The following UCKL1 variants were observed in gnomAD, a reference collection of about 807,000 sequenced individuals.
UCKL1 encodes uridine-cytidine kinase-like 1.
A neutral mutation model predicts 59.2 loss-of-function variants in UCKL1; 65 were observed. The observed-to-expected ratio is 1.10, with a 90% CI of 0.90 to 1.35. UCKL1 has a LOEUF of 1.35. Ranked by LOEUF, UCKL1 falls within the 40% of genes most tolerant of loss-of-function variation. The pLI is 0.00. For synonymous variants in UCKL1, 410 were observed against 323.1 expected (o/e 1.27, Z -2.88); for missense variants, 703 against 784.3 (o/e 0.90, Z 1.24).
intron 5 of UCKL1, 57 bp downstream of exon 5, chr20:63,945,594 G>A: frequency 6.3e-7 from 1 of 1,581,802 alleles, no homozygotes. Flanking sequence ...ACACCTCATG[G>A]ACAGGGCGGC....
chr20:63,945,614 G>T (rs2055961091), intron 5 of UCKL1, 37 bp downstream of exon 5: 1 of 1,608,356 alleles, frequency 6.2e-7, no homozygotes, highest in Non-Finnish European at 8.5e-7. Context: ...CCAGGGCTGA[G>T]ATACCAGCGG....
chr20:63,946,685 A>G lies in UCKL1; in HGVS notation c.114-42T>C, dbSNP rs924983313. 10 of 1,578,382 alleles carry G rather than the reference A, an allele frequency of 6.3e-6. No individual in the cohort carries two copies. In the Middle Eastern group the frequency reaches 5.7e-4, roughly 90 times the overall value. ...ACTCGGATGTGGCCCAGAGCTGCCC[A>G]CCTCCCAGGTACCCGCTGGCATGGC... On this transcript the variant is annotated intron_variant, in intron 1 of 14. Coordinates refer to ENST00000354216, the MANE Select transcript of UCKL1 (RefSeq NM_017859.4).
In UCKL1 at chr20:63,945,693, G is replaced by A. The variant is rs769544019; in HGVS notation, c.612C>T (p.Ile204=). Residue 204 remains isoleucine (I), a synonymous_variant, in exon 5 of 15, where the codon ATC becomes ATT. Coordinates refer to ENST00000354216, the MANE Select transcript of UCKL1 (RefSeq NM_017859.4). The part of the protein sequence containing the change: ...WKTLYGANVI[I]FEGIMAFADK... ...CAGCAAAGGCCATGATGCCCTCAAA[G>A]ATGATGACGTTTGCACCATACAGTG... The A allele has an allele frequency of 1.2e-6, 2 of 1,613,172 alleles. No homozygotes were observed. The highest frequency in any genetic ancestry group is 4.5e-5 in the East Asian group (2 of 44,874).
At chr20:63,943,395 T>G (rs2055208633) in intron 8 of UCKL1, among the ~76,000 whole-genome samples, 1 of 151,674 alleles carries the variant, frequency 6.6e-6, no homozygotes, top group South Asian at 2.1e-4. Flanking sequence ...GACTCAGGAG[T>G]CAGGGGAGCC....
intron 12 of UCKL1, 42 bp downstream of exon 12, chr20:63,940,551 GC>G: frequency 6.2e-7 from 1 of 1,603,872 alleles, no homozygotes; most frequent in Non-Finnish European, 8.5e-7. Flanking sequence ...AGCTCCCTCT[GC>G]CCCCTACCCC....
chr20:63,946,774 G>C, intron 1 of UCKL1, 131 bp from the exon 2 acceptor site: 1 of 929,078 alleles, frequency 1.1e-6, no homozygotes, highest in Non-Finnish European at 1.6e-6. Context: ...GGCTCATTGG[G>C]GGTACATAAG....
intron 1 of UCKL1, chr20:63,950,792 A>C: frequency 6.5e-7 from 1 of 1,540,672 alleles, no homozygotes; most frequent in Non-Finnish European, 8.7e-7. Flanking sequence ...GCACCCTGAG[A>C]TCCTGATGCC....
At position 63,939,952 on chromosome 20, in the gene UCKL1, G is replaced by C. The variant is rs1412679003; in HGVS notation, c.*24C>G. 1 of 1,607,794 alleles carries C rather than the reference G, an allele frequency of 6.2e-7. No homozygotes were observed. Among genetic ancestry groups the C allele is most frequent in the East Asian group, 2.2e-5 (1 of 44,814 alleles). On this transcript the variant is annotated 3_prime_UTR_variant, in exon 15 of 15. Transcript: ENST00000354216. ...GTCAGGAGGCAGGAGGAGGGTGGTG[G>C]GGACGGGATGGCTCACTGGGCAGCT...
chr20:63,956,032 C>T, intron 1 of UCKL1: 1 of 419,302 alleles, frequency 2.4e-6, no homozygotes, highest in South Asian at 3.7e-5. Flanking sequence ...CGCACCCGGA[C>T]TCCTTCCCCG....
In UCKL1 at chr20:63,945,648, T is replaced by A; in HGVS notation, c.654+3A>T. On this transcript the variant is annotated splice_donor_region_variant and intron_variant, in intron 5 of 14. Coordinates refer to ENST00000354216, the MANE Select transcript of UCKL1 (RefSeq NM_017859.4). ...GGGGTGGGTATTCCCGGCGGGTGCT[T>A]ACCTCCAACAGTGTCTTGTCAGCAA... 3 of 1,612,704 alleles carry A rather than the reference T, an allele frequency of 1.9e-6. No homozygotes were observed. The highest frequency in any genetic ancestry group is 2.5e-6 in the Non-Finnish European group (3 of 1,179,710).
At position 63,940,660 on chromosome 20, in the gene UCKL1, A is replaced by G. The variant is rs764345851; in HGVS notation, c.1236T>C (p.Ala412=). ...TGCCGATGCGCACGTCTTTGCACAC[A>G]GCGCGCAGCGCGGGCTCCATGGTTT... The part of the protein sequence containing the change: ...AGETMEPALR[A]VCKDVRIGTI... The change falls in exon 12 of 15, where the codon GCT becomes GCC. Residue 412 remains alanine, a synonymous_variant. Transcript: ENST00000354216. The G allele has an allele frequency of 1.2e-5, 19 of 1,608,874 alleles. No homozygotes were observed. Among genetic ancestry groups the G allele is most frequent in the Non-Finnish European group, 1.6e-5 (19 of 1,178,730 alleles).
chr20:63,950,369 G>A (rs2057390856), intron 1 of UCKL1, among the ~76,000 whole-genome samples: 1 of 152,196 alleles, frequency 6.6e-6, no homozygotes, highest in Non-Finnish European at 1.5e-5. Context: ...GAGGTCAGCA[G>A]TTCGTGACCA....
chr20:63,943,197 T>G (rs2055130168), intron 8 of UCKL1, among the ~76,000 whole-genome samples: 1 of 151,956 alleles, frequency 6.6e-6, no homozygotes, highest in African/African-American at 2.4e-5. Flanking sequence ...AGGACCCGGG[T>G]GGGTGGGAGG....
chr20:63,947,551 C>T (rs1442164940), intron 1 of UCKL1, among the ~76,000 whole-genome samples: 1 of 152,238 alleles, frequency 6.6e-6, no homozygotes, highest in African/African-American at 2.4e-5. Flanking sequence ...GGACCTGATT[C>T]TCCTGCAGTG....
intron 5 of UCKL1, 71 bp from the exon 6 acceptor site, chr20:63,944,805 T>C (rs975824450): frequency 4.5e-6 from 7 of 1,564,020 alleles, no homozygotes; most frequent in East Asian, 4.5e-5. Flanking sequence ...GACCAGCCCC[T>C]GCACTGAGGC....
intron 1 of UCKL1, chr20:63,948,618 GC>G (rs2056968773): frequency 1.5e-5 from 2 of 137,128 alleles, no homozygotes; most frequent in Admixed American, 7.5e-5. Context: ...AGAGGGAGGG[GC>G]GTGTGTGAGA....
intron 1 of UCKL1, among the ~76,000 whole-genome samples, chr20:63,952,824 C>T (rs2057877556): frequency 2.0e-5 from 3 of 152,242 alleles, no homozygotes; most frequent in Non-Finnish European, 4.4e-5. Flanking sequence ...GTCCCCTCCA[C>T]GGAGCCACAG....
chr20:63,942,608 A>C lies in UCKL1; in HGVS notation c.923+1045T>G, dbSNP rs751734907. On this transcript the variant is annotated intron_variant, in intron 8 of 14. Coordinates refer to ENST00000354216, the MANE Select transcript of UCKL1 (RefSeq NM_017859.4). ...AGTTGGGGAGCAGGGCGTTCCCCGC[A>C]GGCCTGAGGAGGAGTGTGGGCGGTC... 28 of 640,396 alleles carry C rather than the reference A, an allele frequency of 4.4e-5. No individual in the cohort carries two copies. The Admixed American group carries it at 8.4e-4, about 19-fold the overall frequency. The allele number at this position is 640,396 out of a possible 1,614,324, so 39.7% of individuals were successfully genotyped here. A position where few individuals can be genotyped will look rare whatever the true frequency, so the allele number is the denominator to read the frequency against.
chr20:63,941,301 AC>A, intron 8 of UCKL1, 93 bp from the exon 9 acceptor site: 7 of 1,449,516 alleles, frequency 4.8e-6, no homozygotes, highest in Middle Eastern at 2.1e-4. Flanking sequence ...TGTGAGGGGA[AC>A]ACACGGGCCA....
Sources: allele counts gnomAD v4.1 joint callset (sites outside exome capture counted in the v4.1 genomes callset), GRCh38; gene constraint gnomAD v4.1.1; transcripts MANE v1.5; gene names NCBI Gene and HGNC (gene_info 2026-07-23, HGNC 2026-07-21).